Variants in R3HDM4 observed in about 807,000 individuals in gnomAD.
The protein encoded by R3HDM4 is R3H domain-containing protein 4.
R3HDM4 carries 30 observed loss-of-function variants against 31.3 expected under a neutral mutation model. The ratio of observed to expected loss-of-function variants is 0.96; its 90% CI spans 0.72 to 1.30. The LOEUF is 1.30. Among genes scored for constraint, R3HDM4 ranks in the 50% most tolerant of loss-of-function variants. The pLI is 0.00. For missense variants in R3HDM4, 444 were observed against 366.1 expected (o/e 1.21, Z -1.74); for synonymous variants, 196 against 156.6 (o/e 1.25, Z -1.88).
chr19:897,186 G>T lies in R3HDM4; in HGVS notation c.*251C>A, dbSNP rs1418804989. On this transcript the variant is annotated 3_prime_UTR_variant, in exon 8 of 8. Transcript: ENST00000361574. ...GATGAAGAAACAGGAACATGCCCAG[G>T]TCAGGTCTCCCCACCCAAACACAAG... 2.2e-6 allele frequency: 1 copy of T among 453,486 alleles called. No homozygotes were observed. The highest frequency in any genetic ancestry group is 3.9e-6 in the Non-Finnish European group (1 of 255,514). 28.1% of individuals were successfully genotyped at this position (453,486 alleles called of 1,614,324 possible).
intron 1 of R3HDM4, among the ~76,000 whole-genome samples, chr19:910,851 G>A (rs1490464221): frequency 2.7e-5 from 4 of 150,630 alleles, no homozygotes; most frequent in African/African-American, 9.8e-5. Context: ...CCGGCGCGGT[G>A]GCTCACGCCT....
intron 4 of R3HDM4, 32 bp downstream of exon 4, chr19:900,797 C>T (rs959763303): frequency 1.6e-6 from 2 of 1,271,348 alleles, no homozygotes; most frequent in African/African-American, 1.6e-5. Flanking sequence ...ATACCCTGGC[C>T]CCACCCATAC....
At chr19:908,905 GC>G (rs1198415570) in intron 1 of R3HDM4, among the ~76,000 whole-genome samples, 2 of 152,104 alleles carry the variant, frequency 1.3e-5, no homozygotes, top group African/African-American at 2.4e-5. Context: ...GCCCACCGCC[GC>G]CCCCCGGTCC....
intron 1 of R3HDM4, 135 bp from the exon 2 acceptor site, chr19:902,265 G>A (rs1223133317): frequency 2.2e-6 from 2 of 903,994 alleles, no homozygotes; most frequent in Non-Finnish European, 1.7e-6. Context: ...GAAGTCCTGG[G>A]CCCTTAAAAT....
chr19:902,263 G>A, intron 1 of R3HDM4, 133 bp from the exon 2 acceptor site: 9 of 919,502 alleles, frequency 9.8e-6, no homozygotes, highest in South Asian at 1.6e-5. Flanking sequence ...GTGAAGTCCT[G>A]GGCCCTTAAA....
intron 3 of R3HDM4, 80 bp downstream of exon 3, chr19:901,342 A>G (rs1599358094): frequency 6.8e-7 from 1 of 1,464,232 alleles, no homozygotes; most frequent in Non-Finnish European, 9.2e-7. Context: ...CTGGCGGGGG[A>G]CGGGCACAGG....
intron 3 of R3HDM4, 97 bp from the exon 4 acceptor site, chr19:901,049 A>C: frequency 7.0e-7 from 1 of 1,420,204 alleles, no homozygotes; most frequent in Middle Eastern, 2.5e-4. Context: ...AAGCACGTGG[A>C]CGCGCTCCTG....
chr19:901,316 A>G, intron 3 of R3HDM4, 106 bp downstream of exon 3: 1 of 1,267,798 alleles, frequency 7.9e-7, no homozygotes, highest in South Asian at 1.4e-5. Flanking sequence ...AGGAGATCAG[A>G]AGTGGGCGGG....
At position 897,680 on chromosome 19, in the gene R3HDM4, T is replaced by A. The variant is rs983455704; in HGVS notation, c.704-140A>T. 3 of 662,736 alleles carry A rather than the reference T, an allele frequency of 4.5e-6. No individual in the cohort carries two copies. In the African/African-American group the frequency reaches 5.5e-5, roughly 12 times the overall value. 41.1% of individuals were successfully genotyped at this position (662,736 alleles called of 1,614,324 possible). On this transcript the variant is annotated intron_variant, in intron 7 of 7. Coordinates refer to ENST00000361574, the MANE Select transcript of R3HDM4 (RefSeq NM_138774.4). ...TGTGTGCTGGTCACTGCGGCCTGGC[T>A]GGCCCTAAGCCCGCAGGTCCGGGAG...
At chr19:900,244 G>T in intron 4 of R3HDM4, 98 bp from the exon 5 acceptor site, 2 of 941,340 alleles carry the variant, frequency 2.1e-6, no homozygotes, top group Non-Finnish European at 3.1e-6. Context: ...ACGCCCATCT[G>T]TGCCTTGGCC....
rs758240827 is a variant in R3HDM4, at chr19:902,103, T to G, written c.99A>C (p.Leu33=). The part of the protein sequence containing the change: ...LLPLPSCLPA[L]ASSQVKRLSA... ...AGAGTCTCTTCACCTGGGAGCTGGC[T>G]AGGGCAGGCAGGCAGCTGGGAAGGG... The change falls in exon 2 of 8, where the codon CTA becomes CTC. Residue 33 remains leucine, a synonymous_variant. Transcript: ENST00000361574. 1.2e-6 allele frequency: 2 copies of G among 1,613,506 alleles called. No individual in the cohort carries two copies. The highest frequency in any genetic ancestry group is 8.5e-7 in the Non-Finnish European group (1 of 1,179,978).
chr19:908,851 C>G (rs1322240696), intron 1 of R3HDM4, among the ~76,000 whole-genome samples: 1 of 152,124 alleles, frequency 6.6e-6, no homozygotes, highest in Admixed American at 6.6e-5. Flanking sequence ...GCTCCTTAAT[C>G]ACTAGCTCAC....
intron 2 of R3HDM4, 131 bp from the exon 3 acceptor site, chr19:901,677 C>T: frequency 8.8e-6 from 11 of 1,254,200 alleles, no homozygotes; most frequent in Non-Finnish European, 1.2e-5. Flanking sequence ...CAACTGTCTT[C>T]CCCAGAAGGT....
chr19:901,731 A>G (rs2036840026), intron 2 of R3HDM4, 185 bp from the exon 3 acceptor site: 11 of 906,710 alleles, frequency 1.2e-5, no homozygotes, highest in Non-Finnish European at 1.6e-5. Flanking sequence ...TCGAACTCCT[A>G]TATATCCTTT....
Position 897,333 on chromosome 19 carries a change from G to T in R3HDM4, c.*104C>A. ...AGAGAGACCACCCCAAGCGAAAAAG[G>T]TTTCCGAGGACAAATTCTAAAAATA... On this transcript the variant is annotated 3_prime_UTR_variant, in exon 8 of 8. Transcript: ENST00000361574. The T allele has an allele frequency of 1.1e-6, 1 of 904,786 alleles. No individual in the cohort carries two copies. 56.0% of individuals were successfully genotyped at this position (904,786 alleles called of 1,614,324 possible). A position where few individuals can be genotyped will look rare whatever the true frequency, so the allele number is the denominator to read the frequency against.
intron 3 of R3HDM4, 105 bp from the exon 4 acceptor site, chr19:901,057 C>A: frequency 7.3e-7 from 1 of 1,365,206 alleles, no homozygotes; most frequent in South Asian, 1.5e-5. Flanking sequence ...GGACGCGCTC[C>A]TGCGGTCACC....
intron 2 of R3HDM4, 48 bp downstream of exon 2, chr19:901,928 C>T: frequency 1.2e-6 from 2 of 1,606,898 alleles, no homozygotes; most frequent in Non-Finnish European, 1.7e-6. Flanking sequence ...GCATGCCATT[C>T]TACAAGGCCC....
chr19:901,601 A>C, intron 2 of R3HDM4, 55 bp from the exon 3 acceptor site: 3 of 1,570,656 alleles, frequency 1.9e-6, no homozygotes, highest in South Asian at 1.1e-5. Flanking sequence ...ACCCCCAGGC[A>C]CCATGGGGAC....
chr19:901,262 T>C, intron 3 of R3HDM4, 160 bp downstream of exon 3: 1 of 799,528 alleles, frequency 1.3e-6, no homozygotes, highest in South Asian at 1.9e-5. Context: ...GTGGGGATTC[T>C]GGCCTGGTCT....
Sources: allele counts gnomAD v4.1 joint callset (sites outside exome capture counted in the v4.1 genomes callset), GRCh38; gene constraint gnomAD v4.1.1; transcripts MANE v1.5; gene names NCBI Gene and HGNC (gene_info 2026-07-23, HGNC 2026-07-21).